NDST4: variants seen among roughly 807,000 people sequenced by gnomAD.
NDST4 encodes the protein N-heparan sulfate sulfotransferase 4.
A neutral mutation model predicts 100.8 loss-of-function variants in NDST4; 63 were observed. The ratio of observed to expected loss-of-function variants is 0.62; its 90% CI spans 0.51 to 0.77. The LOEUF is 0.77. NDST4 is among the 30% of genes least tolerant of loss of function. NDST4 has a pLI of 0.00. For missense variants in NDST4, 943 were observed against 1,018.4 expected, an observed-to-expected ratio of 0.93 and a Z score of 1.01; for synonymous variants, 377 against 361.8, an observed-to-expected ratio of 1.04 and a Z score of -0.48.
chr4:115,113,579 A>G lies in NDST4; in HGVS notation c.-382T>C, dbSNP rs1216260678. 6.6e-6 allele frequency: 1 copy of G among 152,008 alleles called. No homozygotes were observed. Among genetic ancestry groups the G allele is most frequent in the Non-Finnish European group, 1.5e-5 (1 of 67,968 alleles). 9.4% of individuals were successfully genotyped at this position (152,008 alleles called of 1,614,324 possible). A position where few individuals can be genotyped will look rare whatever the true frequency, so the allele number is the denominator to read the frequency against. ...CTTTCAGTTCATGCAATCTGCCTCA[A>G]CAATATTCCAAGAGCACTCTCTAGC... On this transcript the variant is annotated 5_prime_UTR_variant, in exon 1 of 14. Coordinates refer to ENST00000264363, the MANE Select transcript of NDST4 (RefSeq NM_022569.3).
At chr4:115,011,836 T>G (rs1449481729) in intron 2 of NDST4, among the ~76,000 whole-genome samples, 1 of 151,978 alleles carries the variant, frequency 6.6e-6, no homozygotes, top group Non-Finnish European at 1.5e-5. Flanking sequence ...AATAGTTACA[T>G]CGCCCTTGAT....
intron 2 of NDST4, among the ~76,000 whole-genome samples, chr4:114,991,080 C>G (rs1022235047): frequency 1.3e-5 from 2 of 150,916 alleles, no homozygotes; most frequent in Non-Finnish European, 2.9e-5. Context: ...GTTATCAAAC[C>G]CTGGGAGAAG....
chr4:115,030,480 C>T (rs1428987469), intron 2 of NDST4, among the ~76,000 whole-genome samples: 1 of 152,060 alleles, frequency 6.6e-6, no homozygotes, highest in Non-Finnish European at 1.5e-5. Flanking sequence ...GTCATCTTGA[C>T]AGGAACCATA....
intron 9 of NDST4, 49 bp from the exon 10 acceptor site, chr4:114,846,046 C>A: frequency 7.2e-7 from 1 of 1,383,626 alleles, no homozygotes; most frequent in Non-Finnish European, 1.0e-6. Flanking sequence ...ATTTTTCTTG[C>A]CATATTCTGA....
At chr4:114,852,480 G>GCATA (rs1207917516) in intron 8 of NDST4, among the ~76,000 whole-genome samples, 1 of 152,124 alleles carries the variant, frequency 6.6e-6, no homozygotes, top group Non-Finnish European at 1.5e-5. Context: ...TGGCATGTAT[G>GCATA]TTGAACAGTT....
intron 7 of NDST4, among the ~76,000 whole-genome samples, chr4:114,866,016 A>G (rs1305364598): frequency 6.6e-6 from 1 of 152,242 alleles, no homozygotes; most frequent in Non-Finnish European, 1.5e-5. Flanking sequence ...AATATTTAAG[A>G]TAATAATGAA....
chr4:114,858,568 T>A (rs1723849275), intron 7 of NDST4, among the ~76,000 whole-genome samples: 1 of 152,218 alleles, frequency 6.6e-6, no homozygotes, highest in African/African-American at 2.4e-5. Flanking sequence ...ACGCATTAAA[T>A]CATAAACTAT....
intron 2 of NDST4, among the ~76,000 whole-genome samples, chr4:115,006,497 A>AT (rs1727420397): frequency 6.6e-6 from 1 of 152,216 alleles, no homozygotes; most frequent in Non-Finnish European, 1.5e-5. Context: ...GACAGGTATT[A>AT]GATACAGATT....
intron 2 of NDST4, among the ~76,000 whole-genome samples, chr4:114,992,921 T>C (rs1727073204): frequency 1.3e-5 from 2 of 151,856 alleles, no homozygotes; most frequent in East Asian, 1.9e-4. Context: ...GTCAGCTGAA[T>C]TGTAAATATT....
chr4:114,882,606 A>G (rs151018527), intron 6 of NDST4, among the ~76,000 whole-genome samples: 85 of 152,128 alleles, frequency 5.6e-4, no homozygotes, highest in Non-Finnish European at 1.0e-3. Flanking sequence ...TGAGGAAGAG[A>G]AATAAGCATG....
chr4:115,101,648 G>A (rs1729732094), intron 1 of NDST4, among the ~76,000 whole-genome samples: 1 of 152,100 alleles, frequency 6.6e-6, no homozygotes, highest in South Asian at 2.1e-4. Context: ...GAGAATACTG[G>A]TGGTGGTGTT....
intron 2 of NDST4, among the ~76,000 whole-genome samples, chr4:115,004,131 T>C (rs2126257163): frequency 6.6e-6 from 1 of 152,280 alleles, no homozygotes; most frequent in Middle Eastern, 3.4e-3. Flanking sequence ...TCTAATCGCC[T>C]AAGCCTTTGT....
At chr4:114,884,572 T>C (rs1724438200) in intron 6 of NDST4, among the ~76,000 whole-genome samples, 1 of 152,154 alleles carries the variant, frequency 6.6e-6, no homozygotes. Context: ...AAATATTTTG[T>C]CTAAACACCT....
chr4:114,880,885 T>A (rs936989286), intron 6 of NDST4, among the ~76,000 whole-genome samples: 1 of 152,068 alleles, frequency 6.6e-6, no homozygotes, highest in Non-Finnish European at 1.5e-5. Context: ...TTCTGAAGGA[T>A]GAGTAGAGAA....
At chr4:114,851,779 T>TA (rs1723680453) in intron 8 of NDST4, among the ~76,000 whole-genome samples, 1 of 152,206 alleles carries the variant, frequency 6.6e-6, no homozygotes, top group South Asian at 2.1e-4. Context: ...TGTGTTAACT[T>TA]ACTGTTGTAA....
At chr4:114,940,274 C>T (rs1259920775) in intron 4 of NDST4, among the ~76,000 whole-genome samples, 3 of 152,034 alleles carry the variant, frequency 2.0e-5, no homozygotes, top group Admixed American at 2.0e-4. Flanking sequence ...TCCATTAAAT[C>T]CCAGTTAGTT....
chr4:114,993,641 C>A (rs186927396), intron 2 of NDST4, among the ~76,000 whole-genome samples: 2 of 151,806 alleles, frequency 1.3e-5, no homozygotes, highest in Non-Finnish European at 2.9e-5. Context: ...TTTTAAAAAC[C>A]AAATGATGAA....
intron 2 of NDST4, among the ~76,000 whole-genome samples, chr4:114,986,062 C>T (rs1170827821): frequency 1.3e-5 from 2 of 152,044 alleles, no homozygotes; most frequent in African/African-American, 2.4e-5. Flanking sequence ...GGTTTCATTG[C>T]ATTAGGAGTA....
chr4:115,078,901 T>C (rs748080759), intron 1 of NDST4, among the ~76,000 whole-genome samples: 2 of 151,752 alleles, frequency 1.3e-5, no homozygotes, highest in African/African-American at 4.8e-5. Context: ...TATACTGGGA[T>C]ACATAAGCAA....
Sources: gnomAD v4.1 joint callset for allele counts (sites outside exome capture counted in the v4.1 genomes callset) on GRCh38, gnomAD v4.1.1 for gene constraint, MANE v1.5 for transcripts, NCBI Gene and HGNC (gene_info 2026-07-23, HGNC 2026-07-21) for gene names.